The following BLTP1 variants were observed in gnomAD, a reference collection of about 807,000 sequenced individuals.
BLTP1 encodes bridge-like lipid transfer protein family member 1, also known as fragile site-associated protein.
At chr4:122,298,864 C>T in the BLTP1 span, 25 of 984,990 alleles carry the variant, frequency 2.5e-5, no homozygotes, top group Non-Finnish European at 2.9e-5. Context: ...CTGAAAGACA[C>T]ATTTATTTGC....
the BLTP1 span, chr4:122,207,688 T>G: frequency 7.4e-3 from 10,410 of 1,413,934 alleles, 619 homozygotes; most frequent in African/African-American, 0.13. Flanking sequence ...TTAGTAAATT[T>G]GATTTCCCAA....
chr4:122,199,398 A>G, the BLTP1 span: 4 of 1,613,746 alleles, frequency 2.5e-6, no homozygotes, highest in Non-Finnish European at 3.4e-6. Context: ...TTACATGTGG[A>G]TGCCACTACC....
chr4:122,161,261 AT>A, the BLTP1 span: 168 of 295,206 alleles, frequency 5.7e-4, no homozygotes, highest in Middle Eastern at 3.5e-3. Flanking sequence ...GTACGATTAA[AT>A]TTTTTTTTTC....
chr4:122,313,861 T>A, the BLTP1 span: 2 of 169,190 alleles, frequency 1.2e-5, no homozygotes, highest in Non-Finnish European at 2.3e-5. Flanking sequence ...TACTGTGTGT[T>A]TATATATATA....
At chr4:122,246,092 T>C in the BLTP1 span, 1 of 1,482,656 alleles carries the variant, frequency 6.7e-7, no homozygotes, top group Non-Finnish European at 9.0e-7. Context: ...GAGTTGCTGT[T>C]GTGGATGATG....
chr4:122,249,807 C>G, the BLTP1 span: 1 of 1,433,238 alleles, frequency 7.0e-7, no homozygotes, highest in East Asian at 2.5e-5. Flanking sequence ...AGTGTGGTAT[C>G]TGGGATTATT....
the BLTP1 span, chr4:122,344,956 A>G: frequency 2.0e-6 from 2 of 984,974 alleles, no homozygotes; most frequent in Non-Finnish European, 2.4e-6. Context: ...GTGTGCATGT[A>G]TACTGCTGGT....
the BLTP1 span, chr4:122,258,552 T>TGA: frequency 1.0e-6 from 1 of 977,148 alleles, no homozygotes. Context: ...TGAAACTGAG[T>TGA]GAGAGGATTG....
chr4:122,200,848 C>A, the BLTP1 span: 1 of 808,202 alleles, frequency 1.2e-6, no homozygotes, highest in Non-Finnish European at 1.5e-6. Context: ...GGATATTGAC[C>A]TTCAGCCACA....
the BLTP1 span, chr4:122,167,974 C>G: frequency 2.6e-4 from 210 of 800,560 alleles, no homozygotes; most frequent in Middle Eastern, 6.3e-4. Context: ...TGATATACTA[C>G]TTCATGTGGC....
the BLTP1 span, among the ~76,000 whole-genome samples, chr4:122,191,994 T>C: frequency 2.0e-5 from 3 of 152,144 alleles, no homozygotes; most frequent in African/African-American, 7.2e-5. Flanking sequence ...AAATATTTTA[T>C]GTCAACATGA....
At chr4:122,297,718 T>C in the BLTP1 span, among the ~76,000 whole-genome samples, 5 of 152,326 alleles carry the variant, frequency 3.3e-5, no homozygotes, top group South Asian at 1.0e-3. Context: ...CATGGAATGC[T>C]GTGCAGCCAC....
chr4:122,330,949 A>G, the BLTP1 span: 2 of 968,334 alleles, frequency 2.1e-6, no homozygotes, highest in Admixed American at 6.2e-5. Context: ...ACCATTTGTT[A>G]AAGATCACAT....
the BLTP1 span, chr4:122,348,650 G>A: frequency 3.7e-6 from 6 of 1,612,456 alleles, no homozygotes; most frequent in Middle Eastern, 1.7e-4. Context: ...AACACTTGTC[G>A]TGTTTGCTAT....
chr4:122,181,300 A>T, the BLTP1 span: 109 of 889,176 alleles, frequency 1.2e-4, no homozygotes, highest in Non-Finnish European at 1.4e-4. Flanking sequence ...CCTGGCGCAG[A>T]ATTTGGGCAC....
chr4:122,337,937 G>A, the BLTP1 span, among the ~76,000 whole-genome samples: 1 of 150,962 alleles, frequency 6.6e-6, no homozygotes, highest in Non-Finnish European at 1.5e-5. Context: ...TGTTTATCAA[G>A]GAGGATTTAA....
chr4:122,276,482 T>C, the BLTP1 span: 1 of 982,858 alleles, frequency 1.0e-6, no homozygotes. Flanking sequence ...TGTTAATAGA[T>C]TTTCATGGCC....
At chr4:122,189,522 A>AT in the BLTP1 span, 1 of 823,692 alleles carries the variant, frequency 1.2e-6, no homozygotes, top group Non-Finnish European at 1.5e-6. Context: ...TTTTTGAATG[A>AT]TTATAGTTTA....
At chr4:122,346,558 A>G in the BLTP1 span, 8 of 1,568,910 alleles carry the variant, frequency 5.1e-6, no homozygotes, top group Admixed American at 1.8e-5. Context: ...CCTGTCTTAT[A>G]CCTACCATGT....
Sources: allele counts gnomAD v4.1 joint callset (sites outside exome capture counted in the v4.1 genomes callset), GRCh38; gene constraint gnomAD v4.1.1; transcripts MANE v1.5; gene names NCBI Gene and HGNC (gene_info 2026-07-23, HGNC 2026-07-21).